The following CCDC178 variants were observed in gnomAD, a reference collection of about 807,000 sequenced individuals.
CCDC178 encodes coiled-coil domain containing 178, also known as coiled-coil domain-containing protein 178.
CCDC178 carries 126 observed loss-of-function variants against 117.4 expected under a neutral mutation model. The observed-to-expected ratio is 1.07, with a 90% CI of 0.93 to 1.24. CCDC178 has a LOEUF of 1.24. CCDC178 is among the 50% of genes most tolerant of loss of function. The pLI is 0.00. For missense variants in CCDC178, 1,030 were observed against 986.9 expected, an observed-to-expected ratio of 1.04 and a Z score of -0.59; for synonymous variants, 283 against 313.4, an observed-to-expected ratio of 0.90 and a Z score of 1.02.
intron 7 of CCDC178, among the ~76,000 whole-genome samples, chr18:33,349,704 TTTC>T (rs2144690903): frequency 6.6e-6 from 1 of 152,034 alleles, no homozygotes; most frequent in South Asian, 2.1e-4. Flanking sequence ...AAGCAGAGAA[TTTC>T]TTTTTGAAAT....
At chr18:33,070,262 C>T (rs572918265) in intron 21 of CCDC178, among the ~76,000 whole-genome samples, 67 of 152,064 alleles carry the variant, frequency 4.4e-4, no homozygotes, top group Middle Eastern at 3.4e-3. Context: ...ATAGCCAAGA[C>T]ATGGAATCAG....
intron 22 of CCDC178, among the ~76,000 whole-genome samples, chr18:32,946,744 TTTG>T (rs2054360091): frequency 6.6e-6 from 1 of 151,074 alleles, no homozygotes; most frequent in African/African-American, 2.4e-5. Flanking sequence ...TTTTGCTGTT[TTTG>T]TTGTTTTTTT....
At chr18:33,314,489 A>G (rs574396310) in intron 11 of CCDC178, among the ~76,000 whole-genome samples, 1 of 152,274 alleles carries the variant, frequency 6.6e-6, no homozygotes, top group East Asian at 1.9e-4. Flanking sequence ...TAAAAATGAG[A>G]ATAGTTCCAC....
chr18:33,022,202 G>A (rs1295165318), intron 21 of CCDC178, among the ~76,000 whole-genome samples: 2 of 152,070 alleles, frequency 1.3e-5, no homozygotes, highest in Non-Finnish European at 2.9e-5. Context: ...ATTCTTTTGT[G>A]TGCTGGTTTG....
At chr18:33,393,299 TTA>T (rs1437708469) in intron 4 of CCDC178, among the ~76,000 whole-genome samples, 1 of 152,160 alleles carries the variant, frequency 6.6e-6, no homozygotes, top group African/African-American at 2.4e-5. Flanking sequence ...AACCTTATAT[TTA>T]TGTGTGTATG....
intron 22 of CCDC178, chr18:32,958,148 T>C (rs1322705557): frequency 1.7e-5 from 9 of 516,562 alleles, no homozygotes; most frequent in Non-Finnish European, 3.2e-5. Context: ...AACACAGACA[T>C]TACGTTTGAA....
intron 15 of CCDC178, among the ~76,000 whole-genome samples, chr18:33,227,746 A>G (rs1295871765): frequency 6.6e-6 from 1 of 151,888 alleles, no homozygotes; most frequent in African/African-American, 2.4e-5. Context: ...TCTCTACTCA[A>G]TATAGCAAAC....
At chr18:33,302,038 T>C (rs1356979948) in intron 11 of CCDC178, among the ~76,000 whole-genome samples, 1 of 152,062 alleles carries the variant, frequency 6.6e-6, no homozygotes, top group Non-Finnish European at 1.5e-5. Flanking sequence ...GTCATGGGAG[T>C]GGATCCTTCA....
chr18:33,243,622 T>C (rs1004698242), intron 15 of CCDC178, among the ~76,000 whole-genome samples: 2 of 151,924 alleles, frequency 1.3e-5, no homozygotes, highest in Admixed American at 6.6e-5. Context: ...CAAACTTGCA[T>C]TGAATCTGTA....
intron 4 of CCDC178, among the ~76,000 whole-genome samples, chr18:33,394,001 AT>A (rs1431627885): frequency 6.6e-6 from 1 of 151,870 alleles, no homozygotes; most frequent in Non-Finnish European, 1.5e-5. Context: ...TTGTTAGAAA[AT>A]TTTTTTTCAC....
chr18:33,080,238 A>C (rs555290527), intron 21 of CCDC178, among the ~76,000 whole-genome samples: 1 of 152,294 alleles, frequency 6.6e-6, no homozygotes, highest in East Asian at 1.9e-4. Context: ...ACTCGTGGAC[A>C]CAAGGAAGGG....
At chr18:33,188,463 C>G (rs1003662047) in intron 20 of CCDC178, among the ~76,000 whole-genome samples, 2 of 152,068 alleles carry the variant, frequency 1.3e-5, no homozygotes, top group African/African-American at 2.4e-5. Context: ...ACCTTAAAAG[C>G]AGCAGCAGAA....
At chr18:32,987,859 A>G (rs1465014084) in intron 21 of CCDC178, among the ~76,000 whole-genome samples, 4 of 152,138 alleles carry the variant, frequency 2.6e-5, no homozygotes, top group South Asian at 2.1e-4. Flanking sequence ...GCACTTTGGG[A>G]GGCCGAGGCA....
At chr18:33,273,938 A>T (rs2059916167) in intron 12 of CCDC178, among the ~76,000 whole-genome samples, 1 of 151,828 alleles carries the variant, frequency 6.6e-6, no homozygotes, top group African/African-American at 2.4e-5. Flanking sequence ...GAATACTAAC[A>T]AGAAAGTGAA....
Position 33,275,472 on chromosome 18 carries a change from T to C in CCDC178, c.1177-8175A>G, listed in dbSNP as rs1486910129. On this transcript the variant is annotated intron_variant, in intron 12 of 22. Transcript: ENST00000383096. ...TGAATTTATTTAAAAGTTAAATAATTGAATACATTGTCATTGAGGTTCATT... is the reference window on the plus strand; with the variant it reads ...TGAATTTATTTAAAAGTTAAATAATCGAATACATTGTCATTGAGGTTCATT... 2.6e-5 allele frequency among the ~76,000 whole-genome samples: 4 copies of C among 151,518 alleles called. No homozygotes were observed. In the East Asian group the frequency reaches 7.8e-4, roughly 29 times the overall value.
At chr18:32,956,073 T>C (rs776975070) in intron 22 of CCDC178, among the ~76,000 whole-genome samples, 1 of 152,194 alleles carries the variant, frequency 6.6e-6, no homozygotes, top group Non-Finnish European at 1.5e-5. Flanking sequence ...AATTGAGTTA[T>C]GTACATTCTT....
intron 21 of CCDC178, among the ~76,000 whole-genome samples, chr18:33,055,644 T>G (rs1450076575): frequency 2.0e-5 from 3 of 152,188 alleles, no homozygotes; most frequent in Non-Finnish European, 2.9e-5. Flanking sequence ...TTATTCTTTA[T>G]GAATGTTCTC....
chr18:33,346,167 G>GC (rs1599197278), intron 9 of CCDC178, 44 bp downstream of exon 9: 2 of 1,391,636 alleles, frequency 1.4e-6, no homozygotes, highest in East Asian at 4.6e-5. Flanking sequence ...AATTATCTGT[G>GC]CCCCCAACAG....
At chr18:33,172,594 A>G (rs2058615905) in intron 20 of CCDC178, among the ~76,000 whole-genome samples, 1 of 152,140 alleles carries the variant, frequency 6.6e-6, no homozygotes, top group South Asian at 2.1e-4. Context: ...TACTATGAAC[A>G]AATCTCATGG....
Sources: gnomAD v4.1 joint callset for allele counts (sites outside exome capture counted in the v4.1 genomes callset) on GRCh38, gnomAD v4.1.1 for gene constraint, MANE v1.5 for transcripts, NCBI Gene and HGNC (gene_info 2026-07-23, HGNC 2026-07-21) for gene names.